Variants in ASXL3 observed in about 807,000 individuals in gnomAD.
ASXL3 encodes ASXL transcriptional regulator 3.
In ASXL3, 34 loss-of-function variants were observed where a neutral mutation model predicts 170.6. The observed-to-expected ratio is 0.20, with a 90% confidence interval of 0.15 to 0.27. The LOEUF (loss-of-function observed/expected upper bound fraction) is 0.27, where lower values mean the gene tolerates loss of function less well. ASXL3 is among the 10% of genes least tolerant of loss of function. The probability of loss-of-function intolerance (pLI) is 1.00; values close to 1 mark genes in which losing one functional copy is unlikely to be tolerated. For synonymous variants in ASXL3, 1,002 were observed against 989.1 expected (o/e 1.01, Z -0.24); for missense variants, 2,592 against 2,695.3 (o/e 0.96, Z 0.85).
In ASXL3 at chr18:33,743,500, T is replaced by C. The variant is rs2145425137; in HGVS notation, c.3652T>C (p.Ser1218Pro). 1 of 1,613,610 alleles carries C rather than the reference T, an allele frequency of 6.2e-7. No individual in the cohort carries two copies. Among genetic ancestry groups the C allele is most frequent in the Non-Finnish European group, 8.5e-7 (1 of 1,179,874 alleles). ...PVSHLSEKIV[S>P]STSSENSSVP... is the part of the protein sequence containing the mutation. ...GTCACATTTATCTGAGAAAATTGTT[T>C]CATCTACCTCTTCTGAAAATAGCAG... Residue 1218 changes from serine (S) to proline (P), a missense_variant, in exon 12 of 12, where the codon TCA (serine) becomes CCA (proline). Ser to Pro is a moderately conservative substitution (Grantham distance 74). Transcript: ENST00000269197.
intron 9 of ASXL3, among the ~76,000 whole-genome samples, chr18:33,732,643 C>G (rs1334380368): frequency 6.6e-6 from 1 of 152,006 alleles, no homozygotes; most frequent in African/African-American, 2.4e-5. Context: ...ATCGCTTGAG[C>G]TCAGGAGTGA....
At chr18:33,686,465 C>T (rs561088856) in intron 8 of ASXL3, among the ~76,000 whole-genome samples, 13 of 152,252 alleles carry the variant, frequency 8.5e-5, no homozygotes, top group African/African-American at 3.1e-4. Context: ...GAAGTTTAAT[C>T]TGAATGTAGT....
At chr18:33,603,248 G>A (rs1385597377) in intron 1 of ASXL3, among the ~76,000 whole-genome samples, 1 of 152,014 alleles carries the variant, frequency 6.6e-6, no homozygotes, top group Non-Finnish European at 1.5e-5. Flanking sequence ...GAGACACCAA[G>A]GAATTCTTGA....
chr18:33,661,591 TATC>T lies in ASXL3; in HGVS notation c.356-22_356-20del, dbSNP rs756088400. 5.9e-5 allele frequency: 94 copies of T among 1,586,908 alleles called. No individual in the cohort carries two copies. The African/African-American group carries it at 1.1e-3, about 18-fold the overall frequency. On this transcript the variant is annotated intron_variant, in intron 4 of 11. Coordinates refer to ENST00000269197, the MANE Select transcript of ASXL3 (RefSeq NM_030632.3). ...ATAAAAAAGGAATTCAAATTAGTAATATCATTATCTCTCTCTGTTTCTAGTTTG... is the reference window on the plus strand; with the variant it reads ...ATAAAAAAGGAATTCAAATTAGTAATATTATCTCTCTCTGTTTCTAGTTTG...
At position 33,578,275 on chromosome 18, in the gene ASXL3, C is replaced by A. The variant is rs1282420463; in HGVS notation, c.-357C>A. 4.7e-5 allele frequency: 7 copies of A among 148,802 alleles called. No individual in the cohort carries two copies. Among genetic ancestry groups the A allele is most frequent in the Non-Finnish European group, 1.5e-5 (1 of 66,902 alleles). 9.2% of individuals were successfully genotyped at this position (148,802 alleles called of 1,614,324 possible). A position where few individuals can be genotyped will look rare whatever the true frequency, so the allele number is the denominator to read the frequency against. ...AGCATCCCCGGAGCTGTCACCGCAG[C>A]GGCCGCGGCGGTGGCGCAGCGCGAG... On this transcript the variant is annotated 5_prime_UTR_variant, in exon 1 of 12. Coordinates refer to ENST00000269197, the MANE Select transcript of ASXL3 (RefSeq NM_030632.3).
In ASXL3 at chr18:33,744,733, A is replaced by G; in HGVS notation, c.4885A>G (p.Lys1629Glu). 2 of 1,613,890 alleles carry G rather than the reference A, an allele frequency of 1.2e-6. No individual in the cohort carries two copies. Among genetic ancestry groups the G allele is most frequent in the Non-Finnish European group, 8.5e-7 (1 of 1,179,826 alleles). Reference protein sequence around the residue: ...QPLVTHSGSSKQKEYLEQSCP... With the variant: ...QPLVTHSGSSEQKEYLEQSCP... ...TCTGGTTACTCACTCGGGTTCAAGT[A>G]AACAAAAAGAATATCTAGAGCAAAG... The change falls in exon 12 of 12, where the codon AAA becomes GAA. Residue 1629 changes from lysine (K) to glutamate (E), a missense_variant. By Grantham distance (56) the Lys-to-Glu change is moderately conservative. Around this residue, in one of 4 missense-constraint regions of ASXL3, gnomAD observed 2,246 missense variants for 2,219.6 expected, o/e 1.01. Transcript: ENST00000269197.
chr18:33,679,975 TC>T (rs1258630182), intron 7 of ASXL3, among the ~76,000 whole-genome samples: 1 of 152,006 alleles, frequency 6.6e-6, no homozygotes, highest in Non-Finnish European at 1.5e-5. Context: ...ATTATTCTTT[TC>T]TGTTTAACGA....
intron 1 of ASXL3, 104 bp from the exon 2 acceptor site, chr18:33,607,490 C>T: frequency 2.2e-6 from 2 of 926,934 alleles, no homozygotes. Flanking sequence ...GATGTAAAAG[C>T]CCCTTCCCCT....
intron 8 of ASXL3, among the ~76,000 whole-genome samples, chr18:33,699,020 A>G (rs1356207361): frequency 6.6e-6 from 1 of 152,180 alleles, no homozygotes; most frequent in Non-Finnish European, 1.5e-5. Context: ...AAAGACAACA[A>G]TAAAACTAAG....
chr18:33,719,104 A>G (rs1568347068), intron 8 of ASXL3, among the ~76,000 whole-genome samples: 1 of 152,106 alleles, frequency 6.6e-6, no homozygotes, highest in Non-Finnish European at 1.5e-5. Flanking sequence ...TTAGCTAAGA[A>G]TATCCATCCA....
chr18:33,726,524 A>C (rs2067353554), intron 8 of ASXL3, among the ~76,000 whole-genome samples: 1 of 152,170 alleles, frequency 6.6e-6, no homozygotes, highest in Non-Finnish European at 1.5e-5. Context: ...ATTCAAAGAG[A>C]ATGTAAAATA....
At chr18:33,581,031 C>T (rs10163769) in intron 1 of ASXL3, among the ~76,000 whole-genome samples, 30,369 of 151,906 alleles carry the variant, frequency 0.2, 6,003 homozygotes, top group African/African-American at 0.51. Flanking sequence ...ATTTGGTTAA[C>T]GGTGATAACT....
chr18:33,730,498 T>C (rs1371418961), intron 8 of ASXL3, among the ~76,000 whole-genome samples: 1 of 152,092 alleles, frequency 6.6e-6, no homozygotes, highest in Non-Finnish European at 1.5e-5. Context: ...TTTGGTTGAG[T>C]GCATAAACCA....
intron 4 of ASXL3, among the ~76,000 whole-genome samples, chr18:33,650,672 A>G (rs895500634): frequency 1.3e-5 from 2 of 152,186 alleles, no homozygotes; most frequent in African/African-American, 4.8e-5. Flanking sequence ...GTGAATAGGC[A>G]CTTCACCAAA....
At chr18:33,595,781 A>C (rs538179270) in intron 1 of ASXL3, among the ~76,000 whole-genome samples, 1 of 152,272 alleles carries the variant, frequency 6.6e-6, no homozygotes, top group African/African-American at 2.4e-5. Context: ...TTAGGGTTGT[A>C]CATCCTGGAG....
At chr18:33,622,039 A>G (rs2065523169) in intron 2 of ASXL3, among the ~76,000 whole-genome samples, 1 of 152,216 alleles carries the variant, frequency 6.6e-6, no homozygotes, top group African/African-American at 2.4e-5. Flanking sequence ...AAATGAAAGC[A>G]TTGTGAAGTA....
intron 2 of ASXL3, among the ~76,000 whole-genome samples, chr18:33,640,975 TAATAA>T (rs1313684413): frequency 6.6e-6 from 1 of 151,622 alleles, no homozygotes; most frequent in East Asian, 1.9e-4. Flanking sequence ...CATAACAATA[TAATAA>T]AATAGTTTAA....
intron 2 of ASXL3, 122 bp downstream of exon 2, chr18:33,607,798 T>G (rs1029484450): frequency 4.0e-6 from 3 of 748,994 alleles, no homozygotes; most frequent in African/African-American, 1.8e-5. Flanking sequence ...TCCCCACAAA[T>G]TCTTTCTAAT....
intron 1 of ASXL3, among the ~76,000 whole-genome samples, chr18:33,582,726 G>C (rs1404681867): frequency 6.7e-6 from 1 of 150,138 alleles, no homozygotes; most frequent in Non-Finnish European, 1.5e-5. Context: ...GTGTGTGTGT[G>C]TGTGTGTGTG....
Sources: gnomAD v4.1 joint callset for allele counts (sites outside exome capture counted in the v4.1 genomes callset) on GRCh38, gnomAD v4.1.1 for gene constraint, gnomAD v4.1.1 regional missense constraint, MANE v1.5 for transcripts, NCBI Gene and HGNC (gene_info 2026-07-23, HGNC 2026-07-21) for gene names.